B9D1: variants seen among roughly 807,000 people sequenced by gnomAD.
B9D1 encodes the protein B9 domain containing 1, also known as B9 domain-containing protein 1.
Under a neutral mutation model 26.1 loss-of-function variants are expected in B9D1, and 20 were observed. The ratio of observed to expected loss-of-function variants is 0.77; its 90% CI spans 0.54 to 1.12. The LOEUF (loss-of-function observed/expected upper bound fraction) is 1.12. Among genes scored for constraint, B9D1 ranks in the 50% most tolerant of loss-of-function variants. The pLI, the probability that B9D1 is intolerant of heterozygous loss-of-function variation, is 0.00. For synonymous variants in B9D1, 105 were observed against 103.1 expected (o/e 1.02, Z -0.11); for missense variants, 260 against 273.7 (o/e 0.95, Z 0.35).
At chr17:19,340,397 T>C (rs1262787298), downstream of B9D1, among the ~76,000 whole-genome samples, 2 of 149,818 alleles carry the variant, frequency 1.3e-5, no homozygotes, top group Non-Finnish European at 3.0e-5. Context: ...GTCTTAACAG[T>C]CCTGACCTCA....
downstream of B9D1, chr17:19,337,686 C>A: frequency 6.5e-7 from 1 of 1,530,860 alleles, no homozygotes; most frequent in Non-Finnish European, 8.8e-7. Context: ...GTCAGTGACT[C>A]AGGGACTCAA....
At chr17:19,371,874 T>C (rs949961249) in intron 1 of B9D1, among the ~76,000 whole-genome samples, 1 of 152,040 alleles carries the variant, frequency 6.6e-6, no homozygotes, top group African/African-American at 2.4e-5. Flanking sequence ...TGGGTTGTGG[T>C]TTGGCCACTT....
intron 1 of B9D1, among the ~76,000 whole-genome samples, chr17:19,360,899 T>C (rs1567904575): frequency 1.3e-5 from 2 of 152,112 alleles, no homozygotes; most frequent in Admixed American, 6.5e-5. Context: ...CCGTGGCCTG[T>C]TAGGAACGGG....
At chr17:19,335,254 C>A, downstream of B9D1, 1 of 694,410 alleles carries the variant, frequency 1.4e-6, no homozygotes, top group Non-Finnish European at 2.2e-6. Flanking sequence ...TGGTGAATTA[C>A]TAAACTGATT....
At position 19,354,903 on chromosome 17, in the gene B9D1, G is replaced by C. The variant is rs187693857; in HGVS notation, c.244+2937C>G. 2.6e-4 allele frequency among the ~76,000 whole-genome samples: 39 copies of C among 152,256 alleles called. 1 individual carries two copies. The highest frequency in any genetic ancestry group is 5.3e-4 in the Non-Finnish European group (36 of 68,010). ...TTGATTATCATGCACCTAGGGGTGG[G>C]TTTCTTCCATTTATCCTGCTTGAGT... is the stretch of plus-strand genomic sequence containing the variant. On this transcript the variant is annotated intron_variant, in intron 3 of 6. Coordinates refer to ENST00000261499, the MANE Select transcript of B9D1 (RefSeq NM_015681.6).
chr17:19,336,967 C>T (rs1193933692), downstream of B9D1, among the ~76,000 whole-genome samples: 1 of 152,220 alleles, frequency 6.6e-6, no homozygotes, highest in East Asian at 1.9e-4. Context: ...AAGTGCTAGC[C>T]ACTGCCCTTT....
At chr17:19,355,812 C>T (rs1910271859) in intron 3 of B9D1, among the ~76,000 whole-genome samples, 1 of 151,780 alleles carries the variant, frequency 6.6e-6, no homozygotes, top group Admixed American at 6.6e-5. Flanking sequence ...CCAGCCTGGG[C>T]AACAGAGCAA....
intron 5 of B9D1, 116 bp from the exon 6 acceptor site, chr17:19,343,973 A>G: frequency 1.4e-6 from 2 of 1,468,730 alleles, no homozygotes; most frequent in Non-Finnish European, 9.2e-7. Flanking sequence ...TTCCAACCGC[A>G]CCCCACCCCC....
upstream of B9D1, chr17:19,362,792 C>T (rs553268974): frequency 3.6e-6 from 5 of 1,374,652 alleles, no homozygotes; most frequent in Admixed American, 6.1e-5. Context: ...CGCCGAGGCT[C>T]CACCCCTCCT....
downstream of B9D1, chr17:19,343,168 C>A (rs779534156): frequency 3.8e-5 from 56 of 1,462,140 alleles, no homozygotes; most frequent in Non-Finnish European, 5.0e-5. Flanking sequence ...CAGCCCCAGG[C>A]CTAGGCTCTC....
intron 1 of B9D1, chr17:19,377,763 G>A (rs1467490496): frequency 6.6e-6 from 6 of 906,658 alleles, no homozygotes; most frequent in African/African-American, 5.4e-5. Flanking sequence ...CGCGGGCTCC[G>A]CAGAGGAGCA....
chr17:19,350,984 G>A (rs539176133), intron 3 of B9D1, among the ~76,000 whole-genome samples: 3 of 151,860 alleles, frequency 2.0e-5, no homozygotes, highest in South Asian at 2.1e-4. Context: ...GATCACAGGC[G>A]TGCGCCACCA....
intron 6 of B9D1, 100 bp from the exon 7 acceptor site, chr17:19,343,561 G>A: frequency 4.4e-6 from 7 of 1,588,778 alleles, no homozygotes; most frequent in Non-Finnish European, 6.0e-6. Flanking sequence ...CTGTAAAATG[G>A]GGACAACAGT....
upstream of B9D1, chr17:19,362,745 C>T (rs779261977): frequency 5.0e-6 from 7 of 1,402,016 alleles, no homozygotes; most frequent in South Asian, 3.7e-5. Context: ...GAACGGGCGC[C>T]GTTATAAGGG....
chr17:19,377,596 T>A (rs1912202708), intron 1 of B9D1: 1 of 154,898 alleles, frequency 6.5e-6, no homozygotes, highest in African/African-American at 2.4e-5. Context: ...AACCTTTCCT[T>A]CCAGCTCACA....
chr17:19,372,856 C>T lies in B9D1; in HGVS notation c.-298+5003G>A, dbSNP rs1911956700. Among the ~76,000 whole-genome samples, 1 of 152,242 alleles carries T rather than the reference C, an allele frequency of 6.6e-6. No homozygotes were observed. The highest frequency in any genetic ancestry group is 2.4e-5 in the African/African-American group (1 of 41,458). ...CTGCTCGGACAATTCACCTGCGCTC[C>T]TCAAAGTTTTTAACCACACCCACTC... On this transcript the variant is annotated intron_variant, in intron 1 of 5. Transcript: ENST00000477478. The surrounding 1 kb of genome is among the most constrained non-coding windows in gnomAD (Gnocchi z 4.4).
chr17:19,368,321 C>T (rs568059187), intron 1 of B9D1, among the ~76,000 whole-genome samples: 6 of 152,312 alleles, frequency 3.9e-5, no homozygotes, highest in African/African-American at 9.6e-5. Flanking sequence ...AACCGTGACT[C>T]GGGCTAGGCA....
intron 1 of B9D1, among the ~76,000 whole-genome samples, chr17:19,374,465 C>A (rs540900925): frequency 1.1e-4 from 16 of 152,224 alleles, no homozygotes; most frequent in Non-Finnish European, 1.9e-4. Context: ...TCAGTATAAT[C>A]TCTAAGGATA....
intron 1 of B9D1, 61 bp downstream of exon 1, chr17:19,362,446 T>C (rs1303247824): frequency 1.5e-6 from 2 of 1,350,202 alleles, no homozygotes; most frequent in Non-Finnish European, 1.0e-6. Flanking sequence ...CCCGGGGGGT[T>C]GCGGGAAGGG....
Sources: gnomAD v4.1 joint callset for allele counts (sites outside exome capture counted in the v4.1 genomes callset) on GRCh38, gnomAD v4.1.1 for gene constraint, Gnocchi (gnomAD v3.1) non-coding constraint, MANE v1.5 for transcripts, NCBI Gene and HGNC (gene_info 2026-07-23, HGNC 2026-07-21) for gene names.